Variants in ARHGEF10 observed in about 807,000 individuals in gnomAD.
ARHGEF10 encodes the protein Rho guanine nucleotide exchange factor (GEF) 10.
A neutral mutation model predicts 147.4 loss-of-function variants in ARHGEF10; 140 were observed. The ratio of observed to expected loss-of-function variants is 0.95; its 90% CI spans 0.83 to 1.09. ARHGEF10 has a LOEUF of 1.09. Among genes scored for constraint, ARHGEF10 ranks in the 50% least tolerant of loss-of-function variants. The pLI is 0.00. For synonymous variants in ARHGEF10, 902 were observed against 695.8 expected, an observed-to-expected ratio of 1.30 and a Z score of -4.67; for missense variants, 2,222 against 1,752.7, an observed-to-expected ratio of 1.27 and a Z score of -4.78.
Position 1,905,622 on chromosome 8 carries a change from AC to A in ARHGEF10, c.1874del (p.Thr625LysfsTer20). 1 of 1,614,212 alleles carries A rather than the reference AC, an allele frequency of 6.2e-7. No individual in the cohort carries two copies. The highest frequency in any genetic ancestry group is 8.5e-7 in the Non-Finnish European group (1 of 1,180,024). On this transcript the variant is annotated frameshift_variant, in exon 17 of 29. Transcript: ENST00000349830. LOFTEE classifies it high-confidence loss of function. ...CATTCGATCAGATGATATGATAGAA[AC>A]AGTTTACAACGACAGAGGAGAGATT... is the stretch of plus-strand genomic sequence containing the variant. Reference protein sequence around the residue: ...YLIRSDDMIETVYNDRGEIVK... With the variant: ...YLIRSDDMIEXVYNDRGEIVK...
At position 1,917,499 on chromosome 8, in the gene ARHGEF10, G is replaced by A. The variant is rs137856237; in HGVS notation, c.2144-5465G>A. On this transcript the variant is annotated intron_variant, in intron 18 of 28. Transcript: ENST00000349830. ...TTCCAGCCGTCCTTGCTATTGATCT[G>A]GCCACACAAACCCTTCCTTGTTTGC... Among the ~76,000 whole-genome samples the A allele has an allele frequency of 5.9e-5, 9 of 152,198 alleles. No individual in the cohort carries two copies. The East Asian group carries it at 1.5e-3, about 26-fold the overall frequency.
chr8:1,926,244 T>A (rs1211187948), intron 22 of ARHGEF10, 133 bp from the exon 23 acceptor site: 3 of 781,086 alleles, frequency 3.8e-6, no homozygotes, highest in South Asian at 1.5e-5. Context: ...CCTATTTTAA[T>A]CTTTGGTAGG....
intron 2 of ARHGEF10, among the ~76,000 whole-genome samples, chr8:1,855,661 A>G (rs959756664): frequency 1.3e-5 from 2 of 151,410 alleles, no homozygotes; most frequent in Non-Finnish European, 1.5e-5. Flanking sequence ...AAGTGCTGGG[A>G]TTACACGTGT....
At chr8:1,850,195 C>CGACCATGT (rs1804989612) in intron 2 of ARHGEF10, among the ~76,000 whole-genome samples, 14 of 78,952 alleles carry the variant, frequency 1.8e-4, no homozygotes, top group South Asian at 4.8e-4. Context: ...GGGCGTGGGG[C>CGACCATGT]GGCCACATGG....
At chr8:1,914,448 C>T (rs893987843) in intron 18 of ARHGEF10, among the ~76,000 whole-genome samples, 11 of 152,236 alleles carry the variant, frequency 7.2e-5, no homozygotes, top group Middle Eastern at 3.2e-3. Context: ...TGCATGGCCT[C>T]GCCTGTAGGC....
intron 25 of ARHGEF10, among the ~76,000 whole-genome samples, chr8:1,929,948 C>T (rs905062338): frequency 2.0e-5 from 3 of 152,212 alleles, no homozygotes; most frequent in East Asian, 1.9e-4. Flanking sequence ...GCCTGGTCCC[C>T]GCAGCCGCTG....
intron 28 of ARHGEF10, 83 bp downstream of exon 28, chr8:1,952,910 C>G: frequency 1.3e-6 from 2 of 1,575,492 alleles, no homozygotes; most frequent in Admixed American, 1.7e-5. Context: ...GATTTAACAT[C>G]CTAGGATTCT....
At chr8:1,929,197 G>C (rs746673188) in intron 24 of ARHGEF10, 89 bp from the exon 25 acceptor site, 15 of 1,422,236 alleles carry the variant, frequency 1.1e-5, no homozygotes, top group Non-Finnish European at 1.5e-5. Context: ...AGAGGGAAGA[G>C]TTGAAATGTT....
intron 27 of ARHGEF10, among the ~76,000 whole-genome samples, chr8:1,949,534 A>G (rs1814859340): frequency 6.6e-6 from 1 of 152,188 alleles, no homozygotes; most frequent in South Asian, 2.1e-4. Context: ...TCTGTCCCGC[A>G]TGTTCAAAGG....
intron 14 of ARHGEF10, among the ~76,000 whole-genome samples, chr8:1,898,024 C>G (rs1298128836): frequency 6.6e-6 from 1 of 152,186 alleles, no homozygotes; most frequent in Non-Finnish European, 1.5e-5. Flanking sequence ...GCAAATGGCC[C>G]CACTGCACAT....
At chr8:1,920,780 C>T (rs751834085) in intron 18 of ARHGEF10, among the ~76,000 whole-genome samples, 2 of 147,936 alleles carry the variant, frequency 1.4e-5, no homozygotes, top group African/African-American at 2.5e-5. Context: ...TTTGCTCTTT[C>T]GTTTTTTTTT....
chr8:1,951,930 C>CGGGGTCTTCCCTGTAACCACCGTCAGGT (rs1490848998), intron 27 of ARHGEF10, among the ~76,000 whole-genome samples: 2 of 151,934 alleles, frequency 1.3e-5, no homozygotes, highest in Admixed American at 1.3e-4. Context: ...CACCGTGAGG[C>CGGGGTCTTCCCTGTAACCACCGTCAGGT]GGGGTCTTCC....
At chr8:1,956,618 T>G in intron 28 of ARHGEF10, 131 bp from the exon 29 acceptor site, 1 of 887,128 alleles carries the variant, frequency 1.1e-6, no homozygotes, top group Non-Finnish European at 1.9e-6. Flanking sequence ...TATTCATGTA[T>G]GCAAGTTACT....
chr8:1,905,064 G>A (rs891569440), intron 16 of ARHGEF10, among the ~76,000 whole-genome samples: 1 of 152,198 alleles, frequency 6.6e-6, no homozygotes, highest in Non-Finnish European at 1.5e-5. Context: ...AGGAGGTGGA[G>A]GTTGCAGTGA....
At chr8:1,889,431 G>A (rs546224196) in intron 11 of ARHGEF10, among the ~76,000 whole-genome samples, 5 of 47,326 alleles carry the variant, frequency 1.1e-4, no homozygotes, top group Admixed American at 4.7e-4. Context: ...GGGGTGAGGG[G>A]TCTGTGAGGA....
chr8:1,935,403 A>G (rs115018978), intron 26 of ARHGEF10, among the ~76,000 whole-genome samples: 3,384 of 152,174 alleles, frequency 0.022, 161 homozygotes, highest in African/African-American at 0.078. Context: ...CCACTACAGC[A>G]TCGCGCAGAG....
At chr8:1,855,632 A>T (rs1805491949) in intron 2 of ARHGEF10, among the ~76,000 whole-genome samples, 1 of 151,636 alleles carries the variant, frequency 6.6e-6, no homozygotes, top group Admixed American at 6.6e-5. Context: ...TCAAGCAATT[A>T]GTCCTCCTTG....
chr8:1,954,197 T>G (rs748344237), intron 28 of ARHGEF10, among the ~76,000 whole-genome samples: 4 of 152,052 alleles, frequency 2.6e-5, no homozygotes, highest in Non-Finnish European at 5.9e-5. Flanking sequence ...AGGTTCAAGC[T>G]ATTCTCCTGC....
In ARHGEF10 at chr8:1,876,877, G is replaced by T; in HGVS notation, c.843+143G>T. 3.3e-6 allele frequency: 3 copies of T among 919,772 alleles called. No homozygotes were observed. The South Asian group carries it at 4.1e-5, about 12-fold the overall frequency. The allele number at this position is 919,772 out of a possible 1,614,324, so 57.0% of individuals were successfully genotyped here. Reference sequence around the variant, plus strand: ...TAGTTTGGGGAAAGCATAAGATATTGGCAAAGGAGAAGACGTGTCTTGTTT... The same window carrying T: ...TAGTTTGGGGAAAGCATAAGATATTTGCAAAGGAGAAGACGTGTCTTGTTT... On this transcript the variant is annotated intron_variant, in intron 8 of 28. Transcript: ENST00000349830.
Sources: allele counts gnomAD v4.1 joint callset (sites outside exome capture counted in the v4.1 genomes callset), GRCh38; gene constraint gnomAD v4.1.1; transcripts MANE v1.5; gene names NCBI Gene and HGNC (gene_info 2026-07-23, HGNC 2026-07-21).